NEK6: variants seen among roughly 807,000 people sequenced by gnomAD.
NEK6 encodes NIMA related kinase 6.
Under a neutral mutation model 43.5 loss-of-function variants are expected in NEK6, and 27 were observed. The ratio of observed to expected loss-of-function variants is 0.62; its 90% CI spans 0.46 to 0.86. The LOEUF (loss-of-function observed/expected upper bound fraction) is 0.86, where lower values mean the gene tolerates loss of function less well. Ranked by LOEUF, NEK6 falls within the 40% of genes least tolerant of loss-of-function variation. The pLI, the probability that NEK6 is intolerant of heterozygous loss-of-function variation, is 0.00. For missense variants in NEK6, 318 were observed against 414.4 expected, an observed-to-expected ratio of 0.77 and a Z score of 2.02; for synonymous variants, 167 against 164.1, an observed-to-expected ratio of 1.02 and a Z score of -0.14.
rs905059905 is a variant in NEK6, at chr9:124,297,029, A to G, written c.-29-4907A>G. Among the ~76,000 whole-genome samples the G allele has an allele frequency of 4.6e-5, 7 of 152,372 alleles. No homozygotes were observed. The East Asian group carries it at 5.8e-4, about 13-fold the overall frequency. ...TCCATGGCCGGGCAGGGTGCGGCACAGCAGCTGGCTTTGCAGAGGCAGCCA... is the reference window on the plus strand; with the variant it reads ...TCCATGGCCGGGCAGGGTGCGGCACGGCAGCTGGCTTTGCAGAGGCAGCCA... On this transcript the variant is annotated intron_variant, in intron 1 of 9. Transcript: ENST00000320246.
At chr9:124,302,836 T>C (rs1161653507) in intron 2 of NEK6, among the ~76,000 whole-genome samples, 2 of 152,246 alleles carry the variant, frequency 1.3e-5, no homozygotes, top group African/African-American at 4.8e-5. Context: ...TCTGCCTCAC[T>C]TTCTAGATGG....
At chr9:124,267,005 G>A (rs1831257410) in intron 1 of NEK6, among the ~76,000 whole-genome samples, 1 of 152,220 alleles carries the variant, frequency 6.6e-6, no homozygotes, top group Admixed American at 6.5e-5. Flanking sequence ...GCTCCCACAT[G>A]TCTGCATAGG....
intron 2 of NEK6, among the ~76,000 whole-genome samples, chr9:124,310,345 G>A (rs73666856): frequency 0.015 from 2,336 of 152,356 alleles, 57 homozygotes; most frequent in African/African-American, 0.052. Context: ...CTCTTCTTAG[G>A]TGGGTGCTCT....
At chr9:124,328,167 T>G (rs1035814139) in intron 7 of NEK6, among the ~76,000 whole-genome samples, 17 of 152,138 alleles carry the variant, frequency 1.1e-4, no homozygotes, top group African/African-American at 4.1e-4. Flanking sequence ...AATGGCAAGC[T>G]TCAGTATCCA....
At chr9:124,270,393 G>A (rs1392050454) in intron 1 of NEK6, among the ~76,000 whole-genome samples, 1 of 152,152 alleles carries the variant, frequency 6.6e-6, no homozygotes, top group Non-Finnish European at 1.5e-5. Flanking sequence ...AGAGGCCTAG[G>A]GATGTCCCCA....
chr9:124,312,420 T>G (rs947172482), intron 2 of NEK6, 89 bp from the exon 3 acceptor site: 10 of 1,403,746 alleles, frequency 7.1e-6, no homozygotes. Flanking sequence ...CCTTAGAGGG[T>G]GCTGTTGGGG....
At chr9:124,258,857 C>T (rs888308070) in intron 1 of NEK6, among the ~76,000 whole-genome samples, 12 of 152,356 alleles carry the variant, frequency 7.9e-5, no homozygotes, top group Non-Finnish European at 1.6e-4. Context: ...GCTGGGCGAG[C>T]GGAGGCTGTG....
At chr9:124,283,800 C>T (rs567160388) in intron 1 of NEK6, among the ~76,000 whole-genome samples, 28 of 152,356 alleles carry the variant, frequency 1.8e-4, no homozygotes, top group Admixed American at 4.6e-4. Flanking sequence ...CTTCCCGTTC[C>T]GAGGAAAAAT....
At chr9:124,321,319 T>C in intron 4 of NEK6, 140 bp from the exon 5 acceptor site, 1 of 610,462 alleles carries the variant, frequency 1.6e-6, no homozygotes, top group Non-Finnish European at 2.9e-6. Context: ...AGCACAGGCC[T>C]TTCTTTCCCT....
chr9:124,329,539 C>T (rs140680814), intron 7 of NEK6, among the ~76,000 whole-genome samples: 77 of 152,340 alleles, frequency 5.1e-4, no homozygotes, highest in African/African-American at 1.7e-3. Context: ...CCAAGCCCTC[C>T]GAGCGCCGAC....
At chr9:124,297,333 T>A (rs1227547236) in intron 1 of NEK6, among the ~76,000 whole-genome samples, 1 of 152,212 alleles carries the variant, frequency 6.6e-6, no homozygotes, top group Non-Finnish European at 1.5e-5. Flanking sequence ...TGTGCCAGGC[T>A]CTGTGCTAAG....
chr9:124,312,338 T>C (rs1372127631), intron 2 of NEK6, among the ~76,000 whole-genome samples, 171 bp from the exon 3 acceptor site: 1 of 152,146 alleles, frequency 6.6e-6, no homozygotes, highest in Non-Finnish European at 1.5e-5. Context: ...CAGGGGACCC[T>C]GTGCAGAAAG....
rs551015787 is a variant in NEK6, at chr9:124,344,942, C to T, written c.718-2767C>T. Among the ~76,000 whole-genome samples, 9 of 152,340 alleles carry T rather than the reference C, an allele frequency of 5.9e-5. No individual in the cohort carries two copies. The South Asian group carries it at 1.9e-3, about 32-fold the overall frequency. ...CTGCAGACCTCCTGGCCTCCAGTCA[C>T]CCTTCTGTCTGGGATGTGCTCGAGA... On this transcript the variant is annotated intron_variant, in intron 8 of 9. Transcript: ENST00000320246.
intron 8 of NEK6, among the ~76,000 whole-genome samples, chr9:124,347,363 A>G (rs764190865): frequency 6.6e-6 from 1 of 152,270 alleles, no homozygotes; most frequent in Non-Finnish European, 1.5e-5. Context: ...AAATAAGACC[A>G]TGCACTCGGC....
rs115563387 is a variant in NEK6 at position 124,321,515 on chromosome 9, G to A, written c.351G>A (p.Glu117=). ...TGGACTCGTTTATCGAAGACAACGA[G>A]CTGAACATTGTGCTGGAGTTGGCTG... ...KYLDSFIEDN[E]LNIVLELADA... Residue 117 remains glutamate (E), a synonymous_variant, in exon 5 of 10, where the codon GAG becomes GAA. Coordinates refer to ENST00000320246, the MANE Select transcript of NEK6 (RefSeq NM_014397.6). The A allele has an allele frequency of 3.1e-6, 5 of 1,614,160 alleles. No homozygotes were observed. In the African/African-American group the frequency reaches 6.7e-5, roughly 22 times the overall value.
At chr9:124,349,648 T>G (rs972822178) in intron 9 of NEK6, among the ~76,000 whole-genome samples, 3 of 152,268 alleles carry the variant, frequency 2.0e-5, no homozygotes, top group African/African-American at 7.2e-5. Flanking sequence ...ATGCACTTAT[T>G]GACAACTGTG....
intron 7 of NEK6, among the ~76,000 whole-genome samples, chr9:124,336,963 T>C (rs1829327110): frequency 6.8e-6 from 1 of 147,972 alleles, no homozygotes; most frequent in Non-Finnish European, 1.5e-5. Flanking sequence ...ACCACTGCAC[T>C]CCAGCCTGGG....
intron 1 of NEK6, among the ~76,000 whole-genome samples, chr9:124,298,286 G>A (rs1006102068): frequency 6.7e-6 from 1 of 148,374 alleles, no homozygotes; most frequent in East Asian, 2.0e-4. Flanking sequence ...GTAGGGGCTT[G>A]CAGAGTCCTC....
At chr9:124,336,480 C>T (rs1159887166) in intron 7 of NEK6, among the ~76,000 whole-genome samples, 1 of 152,144 alleles carries the variant, frequency 6.6e-6, no homozygotes, top group Non-Finnish European at 1.5e-5. Flanking sequence ...AATCTCCTGA[C>T]CCGTGAAACC....
Sources: gnomAD v4.1 joint callset for allele counts (sites outside exome capture counted in the v4.1 genomes callset) on GRCh38, gnomAD v4.1.1 for gene constraint, MANE v1.5 for transcripts, NCBI Gene and HGNC (gene_info 2026-07-23, HGNC 2026-07-21) for gene names.